Variants in RAP1GDS1 observed in about 807,000 individuals in gnomAD.
RAP1GDS1 encodes Rap1 GTPase-GDP dissociation stimulator 1, also known as RAP1, GTP-GDP dissociation stimulator 1.
RAP1GDS1 carries 35 observed loss-of-function variants against 71.1 expected under a neutral mutation model. That is an observed-to-expected ratio of 0.49 (90% confidence interval 0.38 to 0.65). RAP1GDS1 has a LOEUF of 0.65. Ranked by LOEUF, RAP1GDS1 falls within the 30% of genes least tolerant of loss-of-function variation. The probability of loss-of-function intolerance (pLI) is 0.00; values close to 1 mark genes in which losing one functional copy is unlikely to be tolerated. For synonymous variants in RAP1GDS1, 229 were observed against 243.1 expected (o/e 0.94, Z 0.54); for missense variants, 663 against 706.1 (o/e 0.94, Z 0.69).
intron 4 of RAP1GDS1, among the ~76,000 whole-genome samples, chr4:98,353,901 A>G (rs369977792): frequency 6.6e-6 from 1 of 152,300 alleles, no homozygotes; most frequent in Non-Finnish European, 1.5e-5. Context: ...CATTTATTAT[A>G]TATTTATATG....
chr4:98,342,714 T>C (rs1735667880), intron 2 of RAP1GDS1, among the ~76,000 whole-genome samples: 1 of 152,180 alleles, frequency 6.6e-6, no homozygotes, highest in Non-Finnish European at 1.5e-5. Flanking sequence ...GTTTTTTGCC[T>C]AATTGCCATT....
chr4:98,354,485 A>T (rs192527064), intron 4 of RAP1GDS1, among the ~76,000 whole-genome samples: 290 of 152,338 alleles, frequency 1.9e-3, no homozygotes, highest in African/African-American at 6.5e-3. Context: ...TAAAATAGAA[A>T]TACACACAGT....
At chr4:98,284,574 A>G (rs1401815126) in intron 1 of RAP1GDS1, among the ~76,000 whole-genome samples, 1 of 152,160 alleles carries the variant, frequency 6.6e-6, no homozygotes, top group Non-Finnish European at 1.5e-5. Flanking sequence ...CTTGCCCCAC[A>G]TATTTTTTTA....
At chr4:98,398,740 G>A (rs749542225) in intron 6 of RAP1GDS1, among the ~76,000 whole-genome samples, 2 of 152,058 alleles carry the variant, frequency 1.3e-5, no homozygotes, top group Non-Finnish European at 2.9e-5. Context: ...AATGTTGCAG[G>A]ATACAAAATC....
At chr4:98,280,952 C>G (rs1471778258) in intron 1 of RAP1GDS1, among the ~76,000 whole-genome samples, 2 of 152,192 alleles carry the variant, frequency 1.3e-5, no homozygotes, top group African/African-American at 4.8e-5. Context: ...GGCCTCTGTT[C>G]TGTTCCATTG....
intron 5 of RAP1GDS1, among the ~76,000 whole-genome samples, chr4:98,381,535 G>A (rs1742025098): frequency 6.6e-6 from 1 of 151,482 alleles, no homozygotes; most frequent in African/African-American, 2.4e-5. Flanking sequence ...GACTCAGATT[G>A]TTTGGTATTG....
chr4:98,326,280 C>T (rs1210334618), intron 2 of RAP1GDS1, among the ~76,000 whole-genome samples: 9 of 152,160 alleles, frequency 5.9e-5, no homozygotes, highest in Non-Finnish European at 1.2e-4. Context: ...AAAACCTCTA[C>T]CAAAAGTTAC....
rs2110237780 is a variant in RAP1GDS1 at position 98,443,067 on chromosome 4, GAGA to G, written c.*953_*955del. On this transcript the variant is annotated 3_prime_UTR_variant, in exon 15 of 15. Coordinates refer to ENST00000408927, the MANE Select transcript of RAP1GDS1 (RefSeq NM_001100427.2). ...GTTTTTCATCATTCAGCTAGAAAGT[GAGA>G]AGTTTTATCTTCCATAGTCCTTTTA... 1 of 173,636 alleles carries G rather than the reference GAGA, an allele frequency of 5.8e-6. No homozygotes were observed. The highest frequency in any genetic ancestry group is 2.2e-4 in the South Asian group (1 of 4,498). The allele number at this position is 173,636 out of a possible 1,614,324, so 10.8% of individuals were successfully genotyped here.
At chr4:98,436,629 G>A in intron 13 of RAP1GDS1, among the ~76,000 whole-genome samples, 1 of 152,070 alleles carries the variant, frequency 6.6e-6, no homozygotes, top group Non-Finnish European at 1.5e-5. Context: ...AGTGCATAAG[G>A]TATATTATTA....
At chr4:98,326,960 C>G (rs536029208) in intron 2 of RAP1GDS1, among the ~76,000 whole-genome samples, 1 of 152,034 alleles carries the variant, frequency 6.6e-6, no homozygotes, top group African/African-American at 2.4e-5. Context: ...CACACACAGA[C>G]GAGGAGAAAG....
chr4:98,381,498 AG>A (rs1306025633), intron 5 of RAP1GDS1, among the ~76,000 whole-genome samples: 3 of 151,660 alleles, frequency 2.0e-5, no homozygotes, highest in Non-Finnish European at 3.0e-5. Context: ...TTATGTTTGA[AG>A]ACTTAAATAT....
intron 5 of RAP1GDS1, among the ~76,000 whole-genome samples, chr4:98,385,490 C>T (rs932585826): frequency 6.6e-6 from 1 of 151,748 alleles, no homozygotes; most frequent in African/African-American, 2.4e-5. Flanking sequence ...TCTGTATTTG[C>T]GTGTCTAATT....
At position 98,443,743 on chromosome 4, in the gene RAP1GDS1, T is replaced by G. The variant is rs1472828194; in HGVS notation, c.*1626T>G. On this transcript the variant is annotated 3_prime_UTR_variant, in exon 15 of 15. Coordinates refer to ENST00000408927, the MANE Select transcript of RAP1GDS1 (RefSeq NM_001100427.2). Reference sequence around the variant, plus strand: ...CACTTACTATAAGAATGATACTGTTTGTTGTCTTTCTCCTGGGCTGGATAG... The same window carrying G: ...CACTTACTATAAGAATGATACTGTTGGTTGTCTTTCTCCTGGGCTGGATAG... The G allele has an allele frequency of 5.2e-6, 1 of 192,788 alleles. No individual in the cohort carries two copies. The highest frequency in any genetic ancestry group is 2.3e-5 in the African/African-American group (1 of 43,052). The allele number at this position is 192,788 out of a possible 1,614,324, so 11.9% of individuals were successfully genotyped here.
chr4:98,351,022 G>T (rs899633929), intron 3 of RAP1GDS1, among the ~76,000 whole-genome samples: 2 of 152,060 alleles, frequency 1.3e-5, no homozygotes, highest in Admixed American at 1.3e-4. Flanking sequence ...AGAAGAAAAA[G>T]ATTTGAAATC....
In RAP1GDS1 at chr4:98,390,740, A is replaced by AAAG. The variant is rs146202407; in HGVS notation, c.509-1210_509-1208dup. On this transcript the variant is annotated intron_variant, in intron 5 of 14. Coordinates refer to ENST00000408927, the MANE Select transcript of RAP1GDS1 (RefSeq NM_001100427.2). ...TCCTTATCTATAGATTAAGAACTAT[A>AAAG]AAGAGTAATAAAAAAAATTAGCAGG... 5.9e-3 allele frequency among the ~76,000 whole-genome samples: 899 copies of AAAG among 152,296 alleles called. 11 individuals are homozygous for AAAG. Among genetic ancestry groups the AAAG allele is most frequent in the African/African-American group, 0.021 (865 of 41,572 alleles).
chr4:98,387,593 C>T (rs1742959912), intron 5 of RAP1GDS1: 2 of 378,364 alleles, frequency 5.3e-6, no homozygotes, highest in Non-Finnish European at 1.1e-5. Flanking sequence ...TGCCTTTCTT[C>T]CTCTTCCTCC....
intron 12 of RAP1GDS1, among the ~76,000 whole-genome samples, chr4:98,427,139 G>T (rs1224994640): frequency 6.6e-6 from 1 of 152,120 alleles, no homozygotes; most frequent in Non-Finnish European, 1.5e-5. Flanking sequence ...CTCAATAGAT[G>T]CAGAAAAAGC....
chr4:98,313,902 C>T (rs1730604185), intron 2 of RAP1GDS1, among the ~76,000 whole-genome samples: 1 of 152,082 alleles, frequency 6.6e-6, no homozygotes, highest in Non-Finnish European at 1.5e-5. Flanking sequence ...TTGAAATAAA[C>T]CTCACAAGGA....
chr4:98,301,086 C>T (rs1486708930), intron 2 of RAP1GDS1, among the ~76,000 whole-genome samples: 1 of 151,960 alleles, frequency 6.6e-6, no homozygotes, highest in Admixed American at 6.6e-5. Context: ...TTTATTCTTT[C>T]ATAGTAGTAT....
Sources: allele counts gnomAD v4.1 joint callset (sites outside exome capture counted in the v4.1 genomes callset), GRCh38; gene constraint gnomAD v4.1.1; transcripts MANE v1.5; gene names NCBI Gene and HGNC (gene_info 2026-07-23, HGNC 2026-07-21).